The following OPCML variants were observed in gnomAD, a reference collection of about 807,000 sequenced individuals.
OPCML encodes the protein opioid binding protein/cell adhesion molecule like.
Under a neutral mutation model 37.8 loss-of-function variants are expected in OPCML, and 13 were observed. The ratio of observed to expected loss-of-function variants is 0.34; its 90% CI spans 0.22 to 0.55. The LOEUF is 0.55. OPCML is among the 20% of genes least tolerant of loss of function. The probability of loss-of-function intolerance (pLI) is 0.91; values close to 1 mark genes in which losing one functional copy is unlikely to be tolerated. For synonymous variants in OPCML, 176 were observed against 168.8 expected, an observed-to-expected ratio of 1.04 and a Z score of -0.33; for missense variants, 341 against 435.6, an observed-to-expected ratio of 0.78 and a Z score of 1.93.
At chr11:132,552,763 C>CTTTTTTTTTGTTTTTTTTT (rs2096385036) in intron 3 of OPCML, among the ~76,000 whole-genome samples, 1 of 92,802 alleles carries the variant, frequency 1.1e-5, no homozygotes, top group Non-Finnish European at 2.0e-5. Flanking sequence ...AAACACTACT[C>CTTTTTTTTTGTTTTTTTTT]TTTTTTTTTT....
chr11:132,485,058 TAAAGTATAATAATAAAA>T (rs1176146846), intron 4 of OPCML, among the ~76,000 whole-genome samples: 1 of 151,436 alleles, frequency 6.6e-6, no homozygotes, highest in Non-Finnish European at 1.5e-5. Flanking sequence ...CCCTAAAACT[TAAAGTATAATAATAAAA>T]AAATAATAAT....
At chr11:133,063,132 T>C (rs111625748) in intron 1 of OPCML, among the ~76,000 whole-genome samples, 1,554 of 152,368 alleles carry the variant, frequency 0.01, 22 homozygotes, top group African/African-American at 0.024. Flanking sequence ...AGTGTAAGTT[T>C]AGTTCCTATT....
At chr11:133,125,546 CTAATAGGATATATATA>C (rs894693319) in intron 1 of OPCML, among the ~76,000 whole-genome samples, 2 of 146,512 alleles carry the variant, frequency 1.4e-5, no homozygotes, top group African/African-American at 5.0e-5. Flanking sequence ...AGAAATAAAA[CTAATAGGATATATATA>C]TATATAAAAA....
chr11:132,617,943 C>T (rs527918295), intron 3 of OPCML, among the ~76,000 whole-genome samples: 1 of 152,194 alleles, frequency 6.6e-6, no homozygotes, highest in Non-Finnish European at 1.5e-5. Flanking sequence ...TTTGGGTGAA[C>T]CTAATTCAGT....
intron 1 of OPCML, among the ~76,000 whole-genome samples, chr11:133,395,304 T>G (rs73604516): frequency 0.035 from 5,303 of 152,314 alleles, 312 homozygotes; most frequent in African/African-American, 0.12. Context: ...TGCAAATATT[T>G]TCTCCCGTCC....
intron 1 of OPCML, among the ~76,000 whole-genome samples, chr11:133,446,063 G>GT (rs1946468283): frequency 2.0e-5 from 3 of 152,166 alleles, no homozygotes; most frequent in Admixed American, 2.0e-4. Context: ...AACTTTAGAA[G>GT]TATGTTCTGC....
At position 133,081,339 on chromosome 11, in the gene OPCML, A is replaced by C. The variant is rs566389206; in HGVS notation, c.62-138329T>G. ...GGATGCGGCATCCTGCTGATCATTTAAGTGAACGCCTCCTCCACTAGATCA... is the reference window on the plus strand; with the variant it reads ...GGATGCGGCATCCTGCTGATCATTTCAGTGAACGCCTCCTCCACTAGATCA... On this transcript the variant is annotated intron_variant, in intron 1 of 7. Transcript: ENST00000524381. 2.6e-5 allele frequency among the ~76,000 whole-genome samples: 4 copies of C among 152,238 alleles called. No homozygotes were observed. The South Asian group carries it at 6.2e-4, about 24-fold the overall frequency.
At chr11:132,523,977 G>C (rs1442384256) in intron 4 of OPCML, among the ~76,000 whole-genome samples, 2 of 152,208 alleles carry the variant, frequency 1.3e-5, no homozygotes, top group Admixed American at 1.3e-4. Context: ...TCTCAGTGGA[G>C]GGGAGACAGG....
chr11:133,368,847 C>T (rs933054252), intron 1 of OPCML, among the ~76,000 whole-genome samples: 8 of 152,260 alleles, frequency 5.3e-5, no homozygotes, highest in East Asian at 1.9e-4. Flanking sequence ...GGTATTCAGC[C>T]GGGTGCAGTA....
intron 2 of OPCML, among the ~76,000 whole-genome samples, chr11:132,935,870 C>A (rs1425911537): frequency 1.3e-5 from 2 of 152,186 alleles, no homozygotes; most frequent in Admixed American, 1.3e-4. Context: ...TGGGTTCTTA[C>A]CAAGAAGTGA....
intron 7 of OPCML, 145 bp from the exon 8 acceptor site, chr11:132,420,438 T>C: frequency 7.1e-7 from 1 of 1,411,110 alleles, no homozygotes; most frequent in Non-Finnish European, 9.2e-7. Flanking sequence ...AAAAGCCCAT[T>C]GGGAGTATTT....
At chr11:133,364,468 A>G (rs889026149) in intron 1 of OPCML, among the ~76,000 whole-genome samples, 1 of 152,178 alleles carries the variant, frequency 6.6e-6, no homozygotes, top group Non-Finnish European at 1.5e-5. Context: ...GACAGAAATT[A>G]ATAGTTCAGG....
chr11:132,516,630 A>G (rs1026819686), intron 4 of OPCML, among the ~76,000 whole-genome samples: 1 of 152,178 alleles, frequency 6.6e-6, no homozygotes, highest in Non-Finnish European at 1.5e-5. Context: ...TCCCAAGGAA[A>G]GGTTAGTGAA....
intron 1 of OPCML, among the ~76,000 whole-genome samples, chr11:132,984,160 C>T (rs545636040): frequency 2.0e-5 from 3 of 152,280 alleles, no homozygotes; most frequent in South Asian, 2.1e-4. Flanking sequence ...TTCATTGACC[C>T]GGATCCAGTA....
chr11:133,151,963 C>T (rs1949993606), intron 1 of OPCML, among the ~76,000 whole-genome samples: 2 of 152,188 alleles, frequency 1.3e-5, no homozygotes, highest in African/African-American at 4.8e-5. Flanking sequence ...CTTGACCTTC[C>T]AGAGGGTTTT....
At chr11:132,589,477 G>C (rs1257380137) in intron 3 of OPCML, among the ~76,000 whole-genome samples, 3 of 152,188 alleles carry the variant, frequency 2.0e-5, no homozygotes, top group Non-Finnish European at 4.4e-5. Flanking sequence ...AAACAAACAA[G>C]TAAGTGAATG....
At chr11:133,288,825 C>A (rs901633972) in intron 1 of OPCML, among the ~76,000 whole-genome samples, 1 of 152,170 alleles carries the variant, frequency 6.6e-6, no homozygotes, top group Non-Finnish European at 1.5e-5. Context: ...AGGAGGCCAA[C>A]TAGACTGGGG....
chr11:132,422,597 G>A lies in OPCML; in HGVS notation c.917-2304C>T, dbSNP rs796842537. ...ACCGTGCTCTCCACGTGGCAAGCACGATTCTAAATGCTAAACATATAATCA... is the reference window on the plus strand; with the variant it reads ...ACCGTGCTCTCCACGTGGCAAGCACAATTCTAAATGCTAAACATATAATCA... On this transcript the variant is annotated intron_variant, in intron 7 of 7. Transcript: ENST00000524381. 1.6e-4 allele frequency among the ~76,000 whole-genome samples: 24 copies of A among 152,330 alleles called. 1 individual carries two copies. The highest frequency in any genetic ancestry group is 5.8e-4 in the African/African-American group (24 of 41,584).
chr11:132,554,752 A>G (rs997351800), intron 3 of OPCML, among the ~76,000 whole-genome samples: 1 of 151,614 alleles, frequency 6.6e-6, no homozygotes, highest in African/African-American at 2.4e-5. Context: ...GGAGGACCCT[A>G]TGAAGGCTCT....
Sources: gnomAD v4.1 joint callset for allele counts (sites outside exome capture counted in the v4.1 genomes callset) on GRCh38, gnomAD v4.1.1 for gene constraint, MANE v1.5 for transcripts, NCBI Gene and HGNC (gene_info 2026-07-23, HGNC 2026-07-21) for gene names.